Variants in GATB observed in about 807,000 individuals in gnomAD.
The protein encoded by GATB is glutamyl-tRNA(Gln) amidotransferase subunit B, mitochondrial.
A neutral mutation model predicts 62.3 loss-of-function variants in GATB; 39 were observed. The ratio of observed to expected loss-of-function variants is 0.63; its 90% confidence interval spans 0.48 to 0.82. The LOEUF is 0.82. GATB is among the 40% of genes least tolerant of loss of function. GATB has a pLI of 0.00. For synonymous variants in GATB, 276 were observed against 258.9 expected (o/e 1.07, Z -0.63); for missense variants, 670 against 684.0 (o/e 0.98, Z 0.23).
Position 151,719,544 on chromosome 4 carries a change from G to A in GATB, c.328-6C>T. On this transcript the variant is annotated splice_region_variant and splice_polypyrimidine_tract_variant and intron_variant, in intron 2 of 12. Coordinates refer to ENST00000263985, the MANE Select transcript of GATB (RefSeq NM_004564.3). ...ACACACCTCCTGTTGAGAACCTATG[G>A]GAACACAACACACAGTTCCTCTCAG... The A allele has an allele frequency of 1.9e-6, 3 of 1,584,190 alleles. No homozygotes were observed. Among genetic ancestry groups the A allele is most frequent in the Non-Finnish European group, 2.6e-6 (3 of 1,162,088 alleles).
intron 6 of GATB, among the ~76,000 whole-genome samples, chr4:151,706,180 G>A (rs549544885): frequency 2.0e-5 from 3 of 152,326 alleles, no homozygotes; most frequent in South Asian, 2.1e-4. Flanking sequence ...GCCTGACATA[G>A]GGAGAAAAAG....
intron 10 of GATB, among the ~76,000 whole-genome samples, chr4:151,682,835 A>G (rs761994325): frequency 1.3e-5 from 2 of 152,190 alleles, no homozygotes; most frequent in Admixed American, 1.3e-4. Context: ...TGCTGCGCAC[A>G]GGATTCTGTG....
intron 2 of GATB, among the ~76,000 whole-genome samples, chr4:151,756,567 G>A (rs942777967): frequency 6.6e-6 from 1 of 152,180 alleles, no homozygotes; most frequent in East Asian, 1.9e-4. Context: ...AACCATAAGC[G>A]TTGTAGGCTC....
At chr4:151,717,918 C>T (rs1010118076) in intron 3 of GATB, among the ~76,000 whole-genome samples, 1 of 152,144 alleles carries the variant, frequency 6.6e-6, no homozygotes, top group Non-Finnish European at 1.5e-5. Flanking sequence ...AGGAACAAGG[C>T]GTGGAGGGAT....
chr4:151,695,155 G>A (rs755710462), intron 9 of GATB, among the ~76,000 whole-genome samples: 32 of 152,226 alleles, frequency 2.1e-4, no homozygotes, highest in Non-Finnish European at 3.5e-4. Flanking sequence ...CCTGCCTTTC[G>A]TGGCTCTCAA....
chr4:151,740,370 G>T (rs566971921), intron 2 of GATB, among the ~76,000 whole-genome samples: 28 of 152,306 alleles, frequency 1.8e-4, no homozygotes, highest in African/African-American at 6.7e-4. Flanking sequence ...AGGCTACAGG[G>T]TATAGCCTAT....
At chr4:151,714,626 G>A (rs952930716) in intron 5 of GATB, among the ~76,000 whole-genome samples, 3 of 152,190 alleles carry the variant, frequency 2.0e-5, no homozygotes, top group African/African-American at 7.2e-5. Context: ...GGACCCAGAT[G>A]GGACTATTTC....
intron 9 of GATB, among the ~76,000 whole-genome samples, chr4:151,699,367 C>T (rs968326631): frequency 7.2e-6 from 1 of 138,318 alleles, no homozygotes; most frequent in Non-Finnish European, 1.5e-5. Context: ...CCAGCCTGGG[C>T]GAGAGTTGAG....
chr4:151,730,357 C>T lies in GATB; in HGVS notation c.328-10819G>A, dbSNP rs763880565. On this transcript the variant is annotated intron_variant, in intron 2 of 12. Transcript: ENST00000263985. The surrounding 1 kb of genome is among the most constrained non-coding windows in gnomAD (Gnocchi z 4.1). ...CCCTACTCAACCTGGTAACAGAAGA[C>T]GAAGGACATACAATCTTGGGAGTTC... 5.9e-5 allele frequency among the ~76,000 whole-genome samples: 9 copies of T among 152,190 alleles called. No homozygotes were observed. Among genetic ancestry groups the T allele is most frequent in the Non-Finnish European group, 7.3e-5 (5 of 68,042 alleles).
At chr4:151,672,559 G>A (rs1737897212) in intron 12 of GATB, 2 of 564,122 alleles carry the variant, frequency 3.5e-6, no homozygotes, top group African/African-American at 1.9e-5. Flanking sequence ...CCTTCTTATA[G>A]GAAAAGAAGT....
intron 2 of GATB, among the ~76,000 whole-genome samples, chr4:151,735,735 T>TATATATATATATATATATATATA (rs1553969324): frequency 2.0e-5 from 2 of 97,992 alleles, no homozygotes; most frequent in Admixed American, 1.8e-4. Flanking sequence ...TAAACTGTGG[T>TATATATATATATATATATATATA]GTATATATAT....
intron 6 of GATB, among the ~76,000 whole-genome samples, chr4:151,707,043 C>T (rs537537715): frequency 1.3e-5 from 2 of 152,328 alleles, no homozygotes; most frequent in South Asian, 2.1e-4. Context: ...AGTGTGTGCT[C>T]CAGAAAGACT....
At position 151,695,537 on chromosome 4, in the gene GATB, A is replaced by G. The variant is rs545592616; in HGVS notation, c.1197+5792T>C. ...GTGGCAGGCCCTCAAGAAACACTCA[A>G]CTCGGGATGCTCTGGCTTCCTCCGC... On this transcript the variant is annotated intron_variant, in intron 9 of 12. Coordinates refer to ENST00000263985, the MANE Select transcript of GATB (RefSeq NM_004564.3). Among the ~76,000 whole-genome samples, 11 of 151,944 alleles carry G rather than the reference A, an allele frequency of 7.2e-5. No homozygotes were observed. In the South Asian group the frequency reaches 1.5e-3, roughly 20 times the overall value.
In GATB at chr4:151,679,946, A is replaced by C. The variant is rs1434668158; in HGVS notation, c.1332-55T>G. The C allele has an allele frequency of 4.7e-6, 7 of 1,491,868 alleles. No individual in the cohort carries two copies. In the East Asian group the frequency reaches 1.6e-4, roughly 34 times the overall value. 92.4% of individuals were successfully genotyped at this position (1,491,868 alleles called of 1,614,324 possible). A position where few individuals can be genotyped will look rare whatever the true frequency, so the allele number is the denominator to read the frequency against. On this transcript the variant is annotated intron_variant, in intron 10 of 12. Transcript: ENST00000263985. ...TACATTGCACACTGTCAGGGCATCC[A>C]TGAATGGCTGTTCGGAATCAGAACA...
intron 10 of GATB, among the ~76,000 whole-genome samples, chr4:151,688,263 C>T (rs140958572): frequency 1.3e-5 from 2 of 152,304 alleles, no homozygotes; most frequent in East Asian, 3.9e-4. Context: ...TGTTCAACTC[C>T]CCTTTTTGTG....
intron 2 of GATB, among the ~76,000 whole-genome samples, chr4:151,726,192 C>A (rs559363570): frequency 6.6e-6 from 1 of 152,196 alleles, no homozygotes; most frequent in Non-Finnish European, 1.5e-5. Flanking sequence ...GTAAAACAGG[C>A]CTTTATCTTA....
At chr4:151,719,359 C>A (rs1738980765) in intron 3 of GATB, 66 bp downstream of exon 3, 2 of 1,138,316 alleles carry the variant, frequency 1.8e-6, no homozygotes, top group South Asian at 1.3e-5. Flanking sequence ...CTTGCTCCGA[C>A]CCCCCACAGC....
rs541115692 is a variant in GATB at position 151,721,891 on chromosome 4, G to A, written c.328-2353C>T. On this transcript the variant is annotated intron_variant, in intron 2 of 12. Coordinates refer to ENST00000263985, the MANE Select transcript of GATB (RefSeq NM_004564.3). ...TGTGTCCGTGTGCACACAAGCGCAC[G>A]GGCACTTCATAAACCACCACTTTCC... 2.6e-4 allele frequency: 99 copies of A among 385,056 alleles called. 1 individual carries two copies. Among genetic ancestry groups the A allele is most frequent in the African/African-American group, 1.7e-3 (83 of 47,504 alleles). 23.9% of individuals were successfully genotyped at this position (385,056 alleles called of 1,614,324 possible).
rs34538806 is a variant in GATB at position 151,706,675 on chromosome 4, G to GC, written c.877+1312_877+1313insG. ...TTTTCCTGAAGACTGTCTTCATTGA[G>GC]TGGTTGATTCACTTCAGGTTCAGGA... is the stretch of plus-strand genomic sequence containing the variant. On this transcript the variant is annotated intron_variant, in intron 6 of 12. Coordinates refer to ENST00000263985, the MANE Select transcript of GATB (RefSeq NM_004564.3). 2.6e-5 allele frequency among the ~76,000 whole-genome samples: 4 copies of GC among 151,952 alleles called. No individual in the cohort carries two copies. The South Asian group carries it at 8.3e-4, about 32-fold the overall frequency.
Sources: allele counts gnomAD v4.1 joint callset (sites outside exome capture counted in the v4.1 genomes callset), GRCh38; gene constraint gnomAD v4.1.1; non-coding constraint Gnocchi (gnomAD v3.1); transcripts MANE v1.5; gene names NCBI Gene and HGNC (gene_info 2026-07-23, HGNC 2026-07-21).